LMO7: variants seen among roughly 807,000 people sequenced by gnomAD.
The protein encoded by LMO7 is LIM domain only protein 7.
LMO7 carries 120 observed loss-of-function variants against 206.5 expected under a neutral mutation model. The observed-to-expected ratio is 0.58, with a 90% CI of 0.50 to 0.68. The LOEUF is 0.68. LMO7 is among the 30% of genes least tolerant of loss of function. The probability of loss-of-function intolerance (pLI) is 0.00; values close to 1 mark genes in which losing one functional copy is unlikely to be tolerated. For synonymous variants in LMO7, 706 were observed against 681.5 expected (o/e 1.04, Z -0.56); for missense variants, 1,959 against 1,957.9 (o/e 1.00, Z -0.01).
intron 1 of LMO7, among the ~76,000 whole-genome samples, chr13:75,706,520 CAT>C (rs1381391263): frequency 6.7e-6 from 1 of 150,250 alleles, no homozygotes. Context: ...ACTGTTAAAA[CAT>C]TTAAAGAGAA....
Position 75,626,132 on chromosome 13 carries a change from C to T in LMO7, c.225+2812C>T, listed in dbSNP as rs560689541. On this transcript the variant is annotated intron_variant, in intron 2 of 29. Transcript: ENST00000341547. Reference sequence around the variant, plus strand: ...GTCTCTTATCTCCAGGCCAGTCAGTCCTGTACTCTTTAATCCTTTCCTTTA... The same window carrying T: ...GTCTCTTATCTCCAGGCCAGTCAGTTCTGTACTCTTTAATCCTTTCCTTTA... 2.6e-5 allele frequency among the ~76,000 whole-genome samples: 4 copies of T among 152,250 alleles called. No homozygotes were observed. In the South Asian group the frequency reaches 6.2e-4, roughly 24 times the overall value.
intron 3 of LMO7, among the ~76,000 whole-genome samples, chr13:75,737,503 C>T (rs2045926489): frequency 6.7e-6 from 1 of 149,574 alleles, no homozygotes; most frequent in Non-Finnish European, 1.5e-5. Context: ...CCTGTAATCC[C>T]AGCACTCTGG....
At chr13:75,845,497 A>G in intron 26 of LMO7, 118 bp downstream of exon 26, 1 of 597,530 alleles carries the variant, frequency 1.7e-6, no homozygotes, top group African/African-American at 2.0e-5. Flanking sequence ...TAATTAAAAT[A>G]CTTAGTATTT....
intron 1 of LMO7, among the ~76,000 whole-genome samples, chr13:75,712,290 G>A (rs1197553042): frequency 1.3e-5 from 2 of 152,126 alleles, no homozygotes; most frequent in African/African-American, 2.4e-5. Flanking sequence ...CTGTTTTTAC[G>A]TGGTGGCTGC....
intron 1 of LMO7, among the ~76,000 whole-genome samples, chr13:75,695,506 C>G (rs1275036944): frequency 1.3e-5 from 2 of 152,232 alleles, no homozygotes; most frequent in African/African-American, 4.8e-5. Context: ...GCCACCACAC[C>G]CAGCTAATTT....
At chr13:75,673,830 C>T (rs1273289711) in intron 1 of LMO7, among the ~76,000 whole-genome samples, 2 of 152,172 alleles carry the variant, frequency 1.3e-5, no homozygotes, top group African/African-American at 4.8e-5. Context: ...ATAATAGCCA[C>T]TCATAATCTT....
At chr13:75,645,156 G>A (rs1594026877) in intron 1 of LMO7, among the ~76,000 whole-genome samples, 2 of 152,152 alleles carry the variant, frequency 1.3e-5, no homozygotes, top group East Asian at 3.9e-4. Context: ...TCTGTAGTTC[G>A]TGCATACCAG....
At chr13:75,833,944 A>G (rs1299906028) in intron 16 of LMO7, among the ~76,000 whole-genome samples, 1 of 152,068 alleles carries the variant, frequency 6.6e-6, no homozygotes, top group African/African-American at 2.4e-5. Flanking sequence ...AGTAACTTAA[A>G]TTTTTTTGTC....
At chr13:75,707,770 C>G (rs534842486) in intron 1 of LMO7, among the ~76,000 whole-genome samples, 1 of 151,902 alleles carries the variant, frequency 6.6e-6, no homozygotes, top group South Asian at 2.1e-4. Context: ...TATATAAATA[C>G]TGTACAAATG....
chr13:75,795,623 A>C (rs998129208), intron 5 of LMO7, among the ~76,000 whole-genome samples, 192 bp downstream of exon 5: 1 of 152,208 alleles, frequency 6.6e-6, no homozygotes, highest in Non-Finnish European at 1.5e-5. Context: ...TTCAGCTCCC[A>C]CTTATAAGGG....
At chr13:75,643,343 C>T (rs1009145924) in intron 1 of LMO7, among the ~76,000 whole-genome samples, 3 of 152,176 alleles carry the variant, frequency 2.0e-5, no homozygotes, top group African/African-American at 4.8e-5. Context: ...AACATATTTG[C>T]CCAATCCTTT....
chr13:75,850,406 A>C (rs1566617792), intron 27 of LMO7, among the ~76,000 whole-genome samples: 1 of 152,234 alleles, frequency 6.6e-6, no homozygotes, highest in Non-Finnish European at 1.5e-5. Flanking sequence ...TCTTCTGGAT[A>C]TATTTGGATA....
chr13:75,714,302 T>C (rs2043345089), intron 2 of LMO7, among the ~76,000 whole-genome samples: 1 of 152,190 alleles, frequency 6.6e-6, no homozygotes, highest in Non-Finnish European at 1.5e-5. Flanking sequence ...GATCAAGGTA[T>C]CTGATGTGCC....
intron 1 of LMO7, among the ~76,000 whole-genome samples, chr13:75,662,729 C>T (rs1206012338): frequency 1.3e-5 from 2 of 152,172 alleles, no homozygotes; most frequent in Non-Finnish European, 2.9e-5. Flanking sequence ...TTTTTGCATC[C>T]TCATTTACCT....
At chr13:75,722,524 A>C (rs555306938) in intron 2 of LMO7, among the ~76,000 whole-genome samples, 1 of 152,222 alleles carries the variant, frequency 6.6e-6, no homozygotes, top group African/African-American at 2.4e-5. Context: ...GAGTGACCAT[A>C]ATCAAAAAAT....
rs1046651063 is a variant in LMO7 at position 75,837,729 on chromosome 13, C to T, written c.3395-411C>T. Among the ~76,000 whole-genome samples the T allele has an allele frequency of 3.3e-5, 5 of 152,026 alleles. 1 individual carries two copies. Among genetic ancestry groups the T allele is most frequent in the Non-Finnish European group, 5.9e-5 (4 of 67,978 alleles). On this transcript the variant is annotated intron_variant, in intron 19 of 30. Coordinates refer to ENST00000377534, the MANE Select transcript of LMO7 (RefSeq NM_001306080.2). Reference sequence around the variant, plus strand: ...TTTTCTTCCCCATTACTTTTCACTTCTTATTCATAAATGTTGTGAAAACTG... The same window carrying T: ...TTTTCTTCCCCATTACTTTTCACTTTTTATTCATAAATGTTGTGAAAACTG...
At chr13:75,857,421 T>G (rs2061050873) in intron 30 of LMO7, 1 of 152,296 alleles carries the variant, frequency 6.6e-6, no homozygotes, top group Admixed American at 6.5e-5. Context: ...GAAGAGTGCT[T>G]TGGAAATGGT....
In LMO7 at chr13:75,636,705, T is replaced by G; in HGVS notation, c.48T>G (p.Ala16=). ...EAEANCSVAF[A]EAQRWVEAVT... ...AGGCCAACTGCTCCGTGGCGTTCGC[T>G]GAGGCTCAGAGATGGGTGGAGGTGA... Residue 16 remains alanine, a synonymous_variant, in exon 1 of 31, where the codon GCT becomes GCG. Coordinates refer to ENST00000377534, the MANE Select transcript of LMO7 (RefSeq NM_001306080.2). 6.2e-7 allele frequency: 1 copy of G among 1,609,534 alleles called. No homozygotes were observed. The highest frequency in any genetic ancestry group is 8.5e-7 in the Non-Finnish European group (1 of 1,178,646).
chr13:75,709,595 T>C (rs1470430060), intron 1 of LMO7, among the ~76,000 whole-genome samples: 1 of 152,242 alleles, frequency 6.6e-6, no homozygotes, highest in Non-Finnish European at 1.5e-5. Flanking sequence ...ATAAATGTCT[T>C]CTTTTGAGAA....
Sources: gnomAD v4.1 joint callset for allele counts (sites outside exome capture counted in the v4.1 genomes callset) on GRCh38, gnomAD v4.1.1 for gene constraint, MANE v1.5 for transcripts, NCBI Gene and HGNC (gene_info 2026-07-23, HGNC 2026-07-21) for gene names.